Variants in MASP2 observed in about 807,000 individuals in gnomAD.
MASP2 encodes the protein MBL associated serine protease 2, also known as mannan-binding lectin serine protease 2.
MASP2 carries 49 observed loss-of-function variants against 57.1 expected under a neutral mutation model. The observed-to-expected ratio is 0.86, with a 90% CI of 0.68 to 1.09. The LOEUF (loss-of-function observed/expected upper bound fraction) is 1.09. MASP2 is among the 50% of genes least tolerant of loss of function. The pLI is 0.00. For synonymous variants in MASP2, 379 were observed against 340.8 expected (o/e 1.11, Z -1.24); for missense variants, 900 against 874.8 (o/e 1.03, Z -0.36).
intron 7 of MASP2, among the ~76,000 whole-genome samples, chr1:11,036,213 CTA>C (rs900130173): frequency 6.6e-6 from 1 of 152,134 alleles, no homozygotes; most frequent in African/African-American, 2.4e-5. Context: ...AAGTCAGAAA[CTA>C]AAGAAGTCGC....
intron 8 of MASP2, among the ~76,000 whole-genome samples, chr1:11,033,397 C>T (rs376327738): frequency 4.7e-4 from 72 of 151,938 alleles, no homozygotes; most frequent in African/African-American, 1.6e-3. Context: ...GTACTACTAG[C>T]GCTTTGGGAG....
chr1:11,039,898 GGATA>G (rs762732090), intron 6 of MASP2, among the ~76,000 whole-genome samples: 175 of 86,958 alleles, frequency 2.0e-3, no homozygotes, highest in African/African-American at 4.9e-3. Flanking sequence ...ATGGATGGAT[GGATA>G]GATGGATGGA....
intron 4 of MASP2, chr1:11,044,766 A>ACCC: frequency 1.0e-6 from 1 of 994,430 alleles, no homozygotes; most frequent in Non-Finnish European, 1.4e-6. Context: ...CCGCCTCCCG[A>ACCC]CCCTCCCACC....
chr1:11,041,932 A>T (rs1266196042), intron 6 of MASP2, among the ~76,000 whole-genome samples: 1 of 137,410 alleles, frequency 7.3e-6, no homozygotes, highest in African/African-American at 2.8e-5. Context: ...AAGGATGGGT[A>T]GGTAGAAGTA....
At chr1:11,034,714 A>AAT in intron 8 of MASP2, 114 bp downstream of exon 8, 6 of 700,388 alleles carry the variant, frequency 8.6e-6, no homozygotes, top group Non-Finnish European at 1.4e-5. Flanking sequence ...AAAAAAAAAA[A>AAT]GGGAAAGAAA....
intron 8 of MASP2, among the ~76,000 whole-genome samples, chr1:11,031,465 C>T (rs544244399): frequency 1.2e-3 from 163 of 131,214 alleles, no homozygotes; most frequent in African/African-American, 4.7e-3. Flanking sequence ...GGAGGCGGAG[C>T]TTGCAGAGAG....
chr1:11,035,528 AATCATC>A (rs113627607), intron 7 of MASP2, among the ~76,000 whole-genome samples: 10 of 147,538 alleles, frequency 6.8e-5, no homozygotes, highest in Admixed American at 3.4e-4. Flanking sequence ...CCCTGTCTCA[AATCATC>A]ATCATCATCA....
intron 4 of MASP2, among the ~76,000 whole-genome samples, chr1:11,044,327 G>C (rs146279894): frequency 2.6e-3 from 397 of 152,242 alleles, no homozygotes; most frequent in African/African-American, 8.9e-3. Flanking sequence ...AGGAAGGCTT[G>C]GTCCCCATCC....
At chr1:11,036,309 C>A (rs1638225339) in intron 7 of MASP2, among the ~76,000 whole-genome samples, 1 of 150,588 alleles carries the variant, frequency 6.6e-6, no homozygotes, top group African/African-American at 2.4e-5. Flanking sequence ...TCGAGACCAT[C>A]CTGGCTAACA....
In MASP2 at chr1:11,030,178, G is replaced by C; in HGVS notation, c.1295C>G (p.Pro432Arg). ...KGEKSLPVCE[P>R]VCGLSARTTG... ...TCTTGTATAAATGTATCCATTACCAGGCTCACAGACTGGGAGTGATTTTTC... is the reference window on the plus strand; with the variant it reads ...TCTTGTATAAATGTATCCATTACCACGCTCACAGACTGGGAGTGATTTTTC... The change falls in exon 10 of 11, where the codon CCT becomes CGT. Residue 432 changes from proline (P) to arginine (R), a missense_variant and splice_region_variant. Transcript: ENST00000400897. 6.2e-7 allele frequency: 1 copy of C among 1,610,302 alleles called. No homozygotes were observed. The highest frequency in any genetic ancestry group is 8.5e-7 in the Non-Finnish European group (1 of 1,177,074).
intron 5 of MASP2, 127 bp downstream of exon 5, chr1:11,043,212 G>T: frequency 2.0e-6 from 2 of 1,000,800 alleles, no homozygotes; most frequent in South Asian, 1.6e-5. Context: ...CCTCCATAGA[G>T]CACCTGAAGA....
intron 8 of MASP2, 89 bp downstream of exon 8, chr1:11,034,737 CAG>C: frequency 1.3e-6 from 1 of 754,334 alleles, no homozygotes; most frequent in South Asian, 2.4e-5. Flanking sequence ...AGAAAGTAAA[CAG>C]AAAACCAGAG....
chr1:11,042,778 TG>T, intron 6 of MASP2, 96 bp downstream of exon 6: 1 of 1,405,296 alleles, frequency 7.1e-7, no homozygotes. Flanking sequence ...TTCCTAGTCC[TG>T]GCCCAGAAGG....
chr1:11,036,417 T>C (rs1166764332), intron 7 of MASP2, among the ~76,000 whole-genome samples: 2 of 137,008 alleles, frequency 1.5e-5, no homozygotes, highest in Non-Finnish European at 3.0e-5. Flanking sequence ...GGCAGGAGAA[T>C]GGCGTGAACC....
chr1:11,043,299 G>A, intron 5 of MASP2, 40 bp downstream of exon 5: 1 of 1,548,040 alleles, frequency 6.5e-7, no homozygotes, highest in Non-Finnish European at 8.8e-7. Context: ...TGGGCTGAGG[G>A]GGAGGATCTG....
chr1:11,030,819 C>T lies in MASP2; in HGVS notation c.1151G>A (p.Gly384Glu), dbSNP rs759781886. ...SGRVEYITGPGVTTYKAVIQY... is the reference protein window; with the variant it reads ...SGRVEYITGPEVTTYKAVIQY... ...AATCACAGCTTTGTAGGTGGTCACT[C>T]CAGGACCTGTGATGTACTCCACTCG... is the stretch of plus-strand genomic sequence containing the variant. The change falls in exon 9 of 11, where the codon GGA becomes GAA. Residue 384 changes from glycine to glutamate, a missense_variant. Transcript: ENST00000400897. The T allele has an allele frequency of 1.2e-6, 2 of 1,613,826 alleles. No homozygotes were observed. Among genetic ancestry groups the T allele is most frequent in the South Asian group, 2.2e-5 (2 of 91,066 alleles).
At chr1:11,034,973 C>G in intron 7 of MASP2, 67 bp from the exon 8 acceptor site, 1 of 1,163,026 alleles carries the variant, frequency 8.6e-7, no homozygotes, top group South Asian at 1.4e-5. Flanking sequence ...CAAAGCTGTG[C>G]TCTCACAGCA....
intron 5 of MASP2, 128 bp from the exon 6 acceptor site, chr1:11,043,150 G>A: frequency 2.8e-6 from 3 of 1,090,316 alleles, no homozygotes; most frequent in Non-Finnish European, 4.0e-6. Flanking sequence ...GGATTGGGGT[G>A]CCCCTCCCCA....
At chr1:11,039,651 A>G (rs1414940130) in intron 6 of MASP2, among the ~76,000 whole-genome samples, 1 of 148,468 alleles carries the variant, frequency 6.7e-6, no homozygotes, top group East Asian at 2.0e-4. Context: ...GGATGGGTGG[A>G]TGGATGAATG....
Sources: allele counts gnomAD v4.1 joint callset (sites outside exome capture counted in the v4.1 genomes callset), GRCh38; gene constraint gnomAD v4.1.1; transcripts MANE v1.5; gene names NCBI Gene and HGNC (gene_info 2026-07-23, HGNC 2026-07-21).